The following FIGNL2 variants were observed in gnomAD, a reference collection of about 807,000 sequenced individuals.
FIGNL2 encodes the protein fidgetin-like protein 2.
For missense variants in FIGNL2, 1,060 were observed against 950.2 expected (o/e 1.12, Z -1.52); for synonymous variants, 565 against 484.0 (o/e 1.17, Z -2.20).
At chr12:51,838,449 G>A (rs898342370) in intron 1 of FIGNL2, among the ~76,000 whole-genome samples, 2 of 152,180 alleles carry the variant, frequency 1.3e-5, no homozygotes, top group African/African-American at 4.8e-5. Context: ...GGTGTCTGAA[G>A]GGCAACCTGA....
rs1220727693 is a variant in FIGNL2 at position 51,821,448 on chromosome 12, G to C, written c.966C>G (p.Gly322=). 1 of 1,538,780 alleles carries C rather than the reference G, an allele frequency of 6.5e-7. No individual in the cohort carries two copies. The highest frequency in any genetic ancestry group is 8.7e-7 in the Non-Finnish European group (1 of 1,145,562). ...KPPGAAEEAS[G]KYGGGVPLKV... ...TGAGGGGGACGCCGCCACCGTACTTGCCCGACGCCTCCTCCGCGGCTCCTG... is the reference window on the plus strand; with the variant it reads ...TGAGGGGGACGCCGCCACCGTACTTCCCCGACGCCTCCTCCGCGGCTCCTG... Residue 322 remains glycine (G), a synonymous_variant, in exon 2 of 2, where the codon GGC becomes GGG. Transcript: ENST00000618634.
chr12:51,848,188 C>G (rs541733517), intron 1 of FIGNL2: 1 of 985,222 alleles, frequency 1.0e-6, no homozygotes, highest in Admixed American at 6.1e-5. Flanking sequence ...GACCCGAACC[C>G]GCAAACCTTG....
intron 1 of FIGNL2, among the ~76,000 whole-genome samples, chr12:51,830,078 C>T (rs1939422768): frequency 6.6e-6 from 1 of 152,024 alleles, no homozygotes; most frequent in East Asian, 1.9e-4. Context: ...CACCTGAGGT[C>T]GGGAGTTCGA....
chr12:51,831,130 T>C (rs1939455671), intron 1 of FIGNL2, among the ~76,000 whole-genome samples: 2 of 152,124 alleles, frequency 1.3e-5, no homozygotes, highest in Admixed American at 6.5e-5. Context: ...GAGACAACTG[T>C]TGATTTTTTG....
Position 51,848,637 on chromosome 12 carries a change from T to A in FIGNL2, c.-109A>T. On this transcript the variant is annotated 5_prime_UTR_variant, in exon 1 of 2. Coordinates refer to ENST00000618634, the MANE Select transcript of FIGNL2 (RefSeq NM_001384995.1). Reference sequence around the variant, plus strand: ...CGGCGCGGGCCGGGGGCGACAGGCCTGGGCTGGGGGGCAGTGGCGCTCACC... The same window carrying A: ...CGGCGCGGGCCGGGGGCGACAGGCCAGGGCTGGGGGGCAGTGGCGCTCACC... The A allele has an allele frequency of 1.5e-6, 1 of 654,362 alleles. No individual in the cohort carries two copies. Among genetic ancestry groups the A allele is most frequent in the Non-Finnish European group, 1.9e-6 (1 of 528,198 alleles). The allele number at this position is 654,362 out of a possible 1,614,324, so 40.5% of individuals were successfully genotyped here.
In FIGNL2 at chr12:51,822,800, G is replaced by A. The variant is rs140722522; in HGVS notation, c.-11-376C>T. Among the ~76,000 whole-genome samples the A allele has an allele frequency of 3.1e-3, 479 of 152,272 alleles. 2 individuals are homozygous for A. Among genetic ancestry groups the A allele is most frequent in the African/African-American group, 0.011 (443 of 41,538 alleles). ...CAATGGGCGGGACATCCCAGCCCTC[G>A]GAATAGTCAAACTCAAGTGAAGCTC... is the stretch of plus-strand genomic sequence containing the variant. On this transcript the variant is annotated intron_variant, in intron 1 of 1. Coordinates refer to ENST00000618634, the MANE Select transcript of FIGNL2 (RefSeq NM_001384995.1).
chr12:51,848,491 G>T, intron 1 of FIGNL2, 49 bp downstream of exon 1: 2 of 982,610 alleles, frequency 2.0e-6, no homozygotes, highest in Non-Finnish European at 2.4e-6. Flanking sequence ...CACCCTGACC[G>T]AACGGTCACC....
At position 51,821,760 on chromosome 12, in the gene FIGNL2, C is replaced by A. The variant is rs893279260; in HGVS notation, c.654G>T (p.Ala218=). 72 of 1,280,438 alleles carry A rather than the reference C, an allele frequency of 5.6e-5. No homozygotes were observed. The African/African-American group carries it at 1.1e-3, about 20-fold the overall frequency. 79.3% of individuals were successfully genotyped at this position (1,280,438 alleles called of 1,614,324 possible). ...GGGGTGGGCCTGGGGGCGGCGGGAG[C>A]GCGCCATAGCCGGGCTGCGCTGCGT... ...GGYAAQPGYG[A]LPPPPGPPPA... Residue 218 remains alanine, a synonymous_variant, in exon 2 of 2, where the codon GCG becomes GCT. Transcript: ENST00000618634.
chr12:51,834,208 A>C (rs556915004), intron 1 of FIGNL2, among the ~76,000 whole-genome samples: 6 of 149,352 alleles, frequency 4.0e-5, no homozygotes, highest in Non-Finnish European at 6.0e-5. Flanking sequence ...ACTAAATTTG[A>C]GTGTACATGT....
chr12:51,847,221 A>C (rs1939770378), intron 1 of FIGNL2: 1 of 985,128 alleles, frequency 1.0e-6, no homozygotes, highest in Non-Finnish European at 1.2e-6. Flanking sequence ...AGGCTCCGGG[A>C]GGGTCTGGGA....
intron 1 of FIGNL2, chr12:51,844,730 A>T (rs61933783): frequency 1.0e-6 from 1 of 985,182 alleles, no homozygotes; most frequent in Non-Finnish European, 1.2e-6. Context: ...AGACAAGTGG[A>T]CCCTAAAAAA....
chr12:51,825,408 T>C (rs966666665), intron 1 of FIGNL2, among the ~76,000 whole-genome samples: 1 of 152,096 alleles, frequency 6.6e-6, no homozygotes, highest in Non-Finnish European at 1.5e-5. Context: ...GGCCTGGCCT[T>C]CAGCAATCCT....
At chr12:51,846,931 T>C in intron 1 of FIGNL2, 2 of 904,998 alleles carry the variant, frequency 2.2e-6, no homozygotes, top group Non-Finnish European at 2.6e-6. Flanking sequence ...GTGTTAAACA[T>C]GGGAAAGGGG....
intron 1 of FIGNL2, among the ~76,000 whole-genome samples, chr12:51,837,403 A>G (rs575210942): frequency 2.1e-4 from 32 of 152,222 alleles, no homozygotes; most frequent in African/African-American, 6.3e-4. Flanking sequence ...AGGGGTATCC[A>G]TGCCAAGGGC....
chr12:51,830,492 TG>T (rs368345850), intron 1 of FIGNL2, among the ~76,000 whole-genome samples: 36,844 of 140,974 alleles, frequency 0.26, 5,812 homozygotes, highest in Admixed American at 0.4. Context: ...AATATTGAGT[TG>T]TTTTTTTTTT....
Position 51,821,910 on chromosome 12 carries a change from C to T in FIGNL2, c.504G>A (p.Ala168=), listed in dbSNP as rs1448371316. 4.1e-6 allele frequency: 6 copies of T among 1,471,844 alleles called. No individual in the cohort carries two copies. In the East Asian group the frequency reaches 8.2e-5, roughly 20 times the overall value. 91.2% of individuals were successfully genotyped at this position (1,471,844 alleles called of 1,614,324 possible). A position where few individuals can be genotyped will look rare whatever the true frequency, so the allele number is the denominator to read the frequency against. The change falls in exon 2 of 2, where the codon GCG becomes GCA. Residue 168 remains alanine, a synonymous_variant. Coordinates refer to ENST00000618634, the MANE Select transcript of FIGNL2 (RefSeq NM_001384995.1). ...YAAGYGGGYL[A]PGYCAQTGAA... ...CGCCCGTCTGCGCGCAGTAACCCGG[C>T]GCCAGGTACCCCCCGCCGTAGCCGG...
At chr12:51,829,852 G>GA (rs547629176) in intron 1 of FIGNL2, among the ~76,000 whole-genome samples, 68 of 151,306 alleles carry the variant, frequency 4.5e-4, no homozygotes, top group Non-Finnish European at 8.7e-4. Context: ...GAGAAGAAAG[G>GA]AAAAAAAGGA....
Position 51,820,961 on chromosome 12 carries a change from G to A in FIGNL2, c.1453C>T (p.Pro485Ser), listed in dbSNP as rs1450606998. ...AGCTCGCTGATGAGGAGTACGGAGG[G>A]TGGGCGGCAGCGCGCGGCCGCGAAG... ...AAFAAARCRP[P>S]SVLLISELEA... Residue 485 changes from proline to serine, a missense_variant, in exon 2 of 2, where the codon CCC becomes TCC. By Grantham distance (74) the Pro-to-Ser change is moderately conservative. Transcript: ENST00000618634. 1.6e-6 allele frequency: 2 copies of A among 1,229,144 alleles called. No individual in the cohort carries two copies. The highest frequency in any genetic ancestry group is 2.0e-6 in the Non-Finnish European group (2 of 987,820). 76.1% of individuals were successfully genotyped at this position (1,229,144 alleles called of 1,614,324 possible).
rs564738051 is a variant in FIGNL2, at chr12:51,848,261, G to A, written c.-12+279C>T. ...GCTGCTCGCTTTCGCTGCAGCCCCC[G>A]CACCAGAGGGGGCTGCGAGACGGGT... On this transcript the variant is annotated intron_variant, in intron 1 of 1. Transcript: ENST00000618634. The A allele has an allele frequency of 5.6e-5, 55 of 975,536 alleles. No individual in the cohort carries two copies. In the South Asian group the frequency reaches 2.1e-3, roughly 37 times the overall value. The allele number at this position is 975,536 out of a possible 1,614,324, so 60.4% of individuals were successfully genotyped here.
Sources: allele counts gnomAD v4.1 joint callset (sites outside exome capture counted in the v4.1 genomes callset), GRCh38; gene constraint gnomAD v4.1.1; transcripts MANE v1.5; gene names NCBI Gene and HGNC (gene_info 2026-07-23, HGNC 2026-07-21).